CFHR5: variants seen among roughly 807,000 people sequenced by gnomAD.
The protein encoded by CFHR5 is complement factor H-related protein 5.
In CFHR5, 73 loss-of-function variants were observed where a neutral mutation model predicts 62.9. The observed-to-expected ratio is 1.16, with a 90% confidence interval of 0.96 to 1.41. The LOEUF is 1.41. Ranked by LOEUF, CFHR5 falls within the 40% of genes most tolerant of loss-of-function variation. The pLI is 0.00. For synonymous variants in CFHR5, 249 were observed against 227.2 expected, an observed-to-expected ratio of 1.10 and a Z score of -0.86; for missense variants, 779 against 679.9, an observed-to-expected ratio of 1.15 and a Z score of -1.62.
upstream of CFHR5, among the ~76,000 whole-genome samples, chr1:196,976,914 C>A (rs1452704151): frequency 6.7e-6 from 1 of 150,158 alleles, no homozygotes; most frequent in East Asian, 2.0e-4. Flanking sequence ...ACGCCATTCT[C>A]CTGCCTCAGC....
At chr1:196,990,982 G>T (rs574070803) in intron 3 of CFHR5, among the ~76,000 whole-genome samples, 1 of 151,622 alleles carries the variant, frequency 6.6e-6, no homozygotes, top group Non-Finnish European at 1.5e-5. Context: ...TTCCATTATC[G>T]CCCTCACTTT....
chr1:196,982,948 C>G lies in CFHR5; in HGVS notation c.122C>G (p.Pro41Arg), dbSNP rs762367817. 93 of 1,613,900 alleles carry G rather than the reference C, an allele frequency of 5.8e-5. No individual in the cohort carries two copies. In the South Asian group the frequency reaches 1.0e-3, roughly 17 times the overall value. Reference protein sequence around the residue: ...GFLYDEEDYNPFSQVPTGEVF... With the variant: ...GFLYDEEDYNRFSQVPTGEVF... The stretch of plus-strand genomic sequence containing the variant: ...CTGTATGATGAAGAAGATTATAACC[C>G]TTTTTCCCAAGTTCCTACAGGGGAA... The change falls in exon 2 of 10, where the codon CCT becomes CGT. Residue 41 changes from proline to arginine, a missense_variant. By Grantham distance (103) the Pro-to-Arg change is moderately radical (BLOSUM62 -2). Transcript: ENST00000256785.
intron 3 of CFHR5, among the ~76,000 whole-genome samples, chr1:196,993,394 A>C (rs955219864): frequency 1.3e-5 from 2 of 152,056 alleles, no homozygotes; most frequent in African/African-American, 4.8e-5. Flanking sequence ...TCCTGGGTTC[A>C]AGTGATTCAC....
At chr1:196,978,895 C>G (rs1653464841) in intron 1 of CFHR5, among the ~76,000 whole-genome samples, 1 of 151,962 alleles carries the variant, frequency 6.6e-6, no homozygotes, top group Admixed American at 6.6e-5. Flanking sequence ...ATTCCTAACC[C>G]CACAAAACTT....
chr1:196,991,790 G>A (rs1428853461), intron 3 of CFHR5, among the ~76,000 whole-genome samples: 1 of 152,148 alleles, frequency 6.6e-6, no homozygotes, highest in Non-Finnish European at 1.5e-5. Context: ...CCTGTATGAG[G>A]TGTCAGTTTT....
intron 7 of CFHR5, among the ~76,000 whole-genome samples, chr1:196,998,791 G>C (rs1019951544): frequency 2.0e-5 from 3 of 151,910 alleles, no homozygotes; most frequent in African/African-American, 7.3e-5. Flanking sequence ...TTTACTTTGA[G>C]TAATAGGATT....
In CFHR5 at chr1:197,009,444, A is replaced by C. The variant is rs1235019651; in HGVS notation, c.*761A>C. The C allele has an allele frequency of 1.3e-5, 2 of 152,202 alleles. No individual in the cohort carries two copies. Among genetic ancestry groups the C allele is most frequent in the African/African-American group, 4.8e-5 (2 of 41,454 alleles). 9.4% of individuals were successfully genotyped at this position (152,202 alleles called of 1,614,324 possible). On this transcript the variant is annotated 3_prime_UTR_variant, in exon 10 of 10. Coordinates refer to ENST00000256785, the MANE Select transcript of CFHR5 (RefSeq NM_030787.4). ...TCATCTAATCCCTCCTGTTTGTCTC[A>C]AATTATAGGATAACTTTGAAACTTT...
intron 3 of CFHR5, among the ~76,000 whole-genome samples, chr1:196,990,501 G>C (rs1183924170): frequency 1.3e-5 from 2 of 152,208 alleles, no homozygotes; most frequent in Admixed American, 6.5e-5. Flanking sequence ...TTTTGCAGGG[G>C]CTGGTACCGG....
chr1:196,988,513 G>A (rs1485378260), intron 3 of CFHR5, among the ~76,000 whole-genome samples: 1 of 151,982 alleles, frequency 6.6e-6, no homozygotes, highest in Non-Finnish European at 1.5e-5. Context: ...GGTTTGTCAT[G>A]AGTAGCTCTT....
chr1:196,995,950 A>G (rs1385657482), intron 5 of CFHR5, 51 bp downstream of exon 5: 2 of 1,591,736 alleles, frequency 1.3e-6, no homozygotes, highest in South Asian at 1.1e-5. Flanking sequence ...CTTTGCACTT[A>G]TATATAAATA....
At chr1:196,990,028 G>T (rs1653802972) in intron 3 of CFHR5, among the ~76,000 whole-genome samples, 1 of 152,078 alleles carries the variant, frequency 6.6e-6, no homozygotes, top group Non-Finnish European at 1.5e-5. Flanking sequence ...GGTCTCTAAG[G>T]ACTGGCTTTA....
Position 196,989,294 on chromosome 1 carries a change from A to C in CFHR5, c.431-4786A>C, listed in dbSNP as rs1020771170. Among the ~76,000 whole-genome samples, 4 of 151,766 alleles carry C rather than the reference A, an allele frequency of 2.6e-5. No homozygotes were observed. The South Asian group carries it at 8.3e-4, about 32-fold the overall frequency. The stretch of plus-strand genomic sequence containing the variant: ...TATTAGTCTTGCTAGCAGTCTGTCT[A>C]TTTTGTTAATCTTTTCAAAAAACCA... On this transcript the variant is annotated intron_variant, in intron 3 of 9. Transcript: ENST00000256785.
At chr1:196,981,952 C>G (rs985208871) in intron 1 of CFHR5, among the ~76,000 whole-genome samples, 1 of 151,542 alleles carries the variant, frequency 6.6e-6, no homozygotes, top group Non-Finnish European at 1.5e-5. Flanking sequence ...TTTATGTATA[C>G]AGCATTTACC....
At chr1:196,980,462 T>C (rs1653510563) in intron 1 of CFHR5, among the ~76,000 whole-genome samples, 1 of 152,130 alleles carries the variant, frequency 6.6e-6, no homozygotes, top group African/African-American at 2.4e-5. Flanking sequence ...GATTATGATG[T>C]TGTGGTGGTC....
rs1218545113 is a variant in CFHR5 at position 197,004,791 on chromosome 1, T to G, written c.1461T>G (p.Ser487=). The G allele has an allele frequency of 6.2e-7, 1 of 1,613,846 alleles. No individual in the cohort carries two copies. The highest frequency in any genetic ancestry group is 1.7e-5 in the Admixed American group (1 of 60,010). ...AGTCCTTCTATAAACTCCAGGGCTC[T>G]GTAACTGTAACATGCAGAAATAAAC... The part of the protein sequence containing the change: ...RCQSFYKLQG[S]VTVTCRNKQW... Residue 487 remains serine, a synonymous_variant, in exon 9 of 10, where the codon TCT becomes TCG. Coordinates refer to ENST00000256785, the MANE Select transcript of CFHR5 (RefSeq NM_030787.4).
rs1654356722 is a variant in CFHR5 at position 197,008,631 on chromosome 1, C to T, written c.1658C>T (p.Pro553Leu). Residue 553 changes from proline (P) to leucine (L), a missense_variant, in exon 10 of 10, where the codon CCA becomes CTA. By Grantham distance (98) the Pro-to-Leu change is moderately conservative (BLOSUM62 -3). Transcript: ENST00000256785. ...FPHKAMISSP[P>L]FRAICQEGKF... ...CATAAAGCGATGATATCATCACCAC[C>T]ATTTCGAGCAATCTGTCAGGAAGGG... 1 of 1,613,838 alleles carries T rather than the reference C, an allele frequency of 6.2e-7. No homozygotes were observed. Among genetic ancestry groups the T allele is most frequent in the East Asian group, 2.2e-5 (1 of 44,810 alleles).
intron 9 of CFHR5, 145 bp from the exon 10 acceptor site, chr1:197,008,342 A>G: frequency 2.9e-6 from 1 of 342,174 alleles, no homozygotes; most frequent in South Asian, 8.5e-5. Flanking sequence ...ACCAAGAATA[A>G]CTCAATAAAT....
At chr1:196,986,095 G>A (rs1653673988) in intron 3 of CFHR5, among the ~76,000 whole-genome samples, 2 of 152,156 alleles carry the variant, frequency 1.3e-5, no homozygotes, top group African/African-American at 2.4e-5. Context: ...CAAAGTGAAA[G>A]AATTCAGCAG....
In CFHR5 at chr1:196,982,528, T is replaced by A. The variant is rs571886609; in HGVS notation, c.59-357T>A. 1.3e-4 allele frequency among the ~76,000 whole-genome samples: 20 copies of A among 152,044 alleles called. 1 individual carries two copies. The South Asian group carries it at 4.2e-3, about 32-fold the overall frequency. On this transcript the variant is annotated intron_variant, in intron 1 of 9. Transcript: ENST00000256785. The stretch of plus-strand genomic sequence containing the variant: ...CTCTACCAAAAATACAAAAAATTAG[T>A]CAGGTGTGGTGGCAGGCACCTGTAA...
Sources: gnomAD v4.1 joint callset for allele counts (sites outside exome capture counted in the v4.1 genomes callset) on GRCh38, gnomAD v4.1.1 for gene constraint, MANE v1.5 for transcripts, NCBI Gene and HGNC (gene_info 2026-07-23, HGNC 2026-07-21) for gene names.